PTK2B: variants seen among roughly 807,000 people sequenced by gnomAD.
PTK2B encodes protein tyrosine kinase 2 beta.
A neutral mutation model predicts 142.9 loss-of-function variants in PTK2B; 71 were observed. The observed-to-expected ratio is 0.50, with a 90% CI of 0.41 to 0.61. The LOEUF (loss-of-function observed/expected upper bound fraction) is 0.61. Ranked by LOEUF, PTK2B falls within the 20% of genes least tolerant of loss-of-function variation. PTK2B has a pLI of 0.00. For missense variants in PTK2B, 1,105 were observed against 1,320.4 expected, an observed-to-expected ratio of 0.84 and a Z score of 2.53; for synonymous variants, 519 against 503.4, an observed-to-expected ratio of 1.03 and a Z score of -0.42.
At chr8:27,323,055 C>T (rs1031930021), upstream of PTK2B, among the ~76,000 whole-genome samples, 9 of 152,270 alleles carry the variant, frequency 5.9e-5, no homozygotes, top group African/African-American at 2.2e-4. Flanking sequence ...AAAAGTTAAT[C>T]ACCAGCTCAA....
chr8:27,440,472 G>A, intron 21 of PTK2B, 31 bp downstream of exon 21: 1 of 1,603,476 alleles, frequency 6.2e-7, no homozygotes, highest in Non-Finnish European at 8.5e-7. Context: ...GTGGGCTGGG[G>A]GCCCACCCGG....
At chr8:27,312,141 T>A (rs569204152) in intron 1 of PTK2B, among the ~76,000 whole-genome samples, 1 of 152,336 alleles carries the variant, frequency 6.6e-6, no homozygotes, top group South Asian at 2.1e-4. Flanking sequence ...AGATCTTCAT[T>A]CCTGCTTCAG....
At chr8:27,453,488 T>G (rs1022419368) in intron 28 of PTK2B, among the ~76,000 whole-genome samples, 7 of 152,202 alleles carry the variant, frequency 4.6e-5, no homozygotes, top group Admixed American at 4.6e-4. Context: ...CAGCATCCAT[T>G]GTCCTTACAG....
At chr8:27,393,742 G>A (rs1807863918) in intron 1 of PTK2B, among the ~76,000 whole-genome samples, 1 of 152,032 alleles carries the variant, frequency 6.6e-6, no homozygotes. Context: ...GTTCCCACAT[G>A]CACCCTGCCC....
intron 1 of PTK2B, among the ~76,000 whole-genome samples, chr8:27,390,073 G>A (rs1001351319): frequency 2.6e-5 from 4 of 152,238 alleles, no homozygotes; most frequent in African/African-American, 9.6e-5. Context: ...GTGACATTGT[G>A]ACTTCTGCTA....
intron 2 of PTK2B, among the ~76,000 whole-genome samples, chr8:27,400,897 A>C (rs1195784689): frequency 6.6e-6 from 1 of 152,184 alleles, no homozygotes; most frequent in Non-Finnish European, 1.5e-5. Flanking sequence ...CCCACAAGGA[A>C]TGAGTAGAAC....
chr8:27,451,604 T>A, intron 27 of PTK2B, 95 bp downstream of exon 27: 1 of 1,598,042 alleles, frequency 6.3e-7, no homozygotes, highest in Non-Finnish European at 8.5e-7. Flanking sequence ...AGCAGCGGAG[T>A]CTGTCTGCAT....
chr8:27,435,849 G>A, intron 14 of PTK2B, 56 bp downstream of exon 14: 4 of 1,565,038 alleles, frequency 2.6e-6, no homozygotes, highest in Middle Eastern at 1.7e-4. Context: ...AAATGACATG[G>A]CAAGGACTCT....
chr8:27,454,667 G>T, intron 30 of PTK2B, 56 bp downstream of exon 30: 1 of 1,571,870 alleles, frequency 6.4e-7, no homozygotes, highest in Non-Finnish European at 8.7e-7. Flanking sequence ...CTGCTTATGA[G>T]CCTCATTAGA....
intron 22 of PTK2B, among the ~76,000 whole-genome samples, chr8:27,443,981 A>G (rs558072125): frequency 6.6e-6 from 1 of 152,340 alleles, no homozygotes; most frequent in East Asian, 1.9e-4. Context: ...CCAATTAGCC[A>G]TAGCCCCGGG....
chr8:27,378,988 C>A (rs80252601), intron 1 of PTK2B, among the ~76,000 whole-genome samples: 1,895 of 152,270 alleles, frequency 0.012, 15 homozygotes, highest in Non-Finnish European at 0.019. Flanking sequence ...AGACTCACAT[C>A]CGACACGGGG....
rs748590062 is a variant in PTK2B, at chr8:27,458,511, G to A, written c.*2G>A. 54 of 1,560,080 alleles carry A rather than the reference G, an allele frequency of 3.5e-5. No individual in the cohort carries two copies. Among genetic ancestry groups the A allele is most frequent in the Middle Eastern group, 2.1e-4 (1 of 4,794 alleles). ...CTGGCCCACCCACCTGCAGAGTGAC[G>A]GAGGGTGGGGGCCACCTGCCTGCGT... On this transcript the variant is annotated 3_prime_UTR_variant, in exon 31 of 31. Coordinates refer to ENST00000346049, the MANE Select transcript of PTK2B (RefSeq NM_173176.3).
intron 21 of PTK2B, among the ~76,000 whole-genome samples, chr8:27,442,088 C>T (rs556058734): frequency 4.6e-5 from 7 of 152,140 alleles, no homozygotes; most frequent in Non-Finnish European, 8.8e-5. Flanking sequence ...GTTTCCTAAC[C>T]GTTCCAGGGA....
chr8:27,352,617 C>A (rs576500191), intron 1 of PTK2B, among the ~76,000 whole-genome samples: 11 of 152,190 alleles, frequency 7.2e-5, no homozygotes, highest in Non-Finnish European at 1.2e-4. Context: ...CTTGAATTCT[C>A]ATGTGTTGTG....
intron 23 of PTK2B, among the ~76,000 whole-genome samples, chr8:27,445,575 A>G (rs1488788447): frequency 6.6e-6 from 1 of 152,130 alleles, no homozygotes; most frequent in East Asian, 1.9e-4. Flanking sequence ...TGTGCAGAGC[A>G]TCTTGGGGGA....
At chr8:27,371,811 G>A (rs759421357) in intron 1 of PTK2B, among the ~76,000 whole-genome samples, 8 of 152,208 alleles carry the variant, frequency 5.3e-5, no homozygotes, top group Non-Finnish European at 1.2e-4. Context: ...GCCCTTCAAA[G>A]TGCTGAGATT....
At chr8:27,320,797 G>A (rs765169265), upstream of PTK2B, among the ~76,000 whole-genome samples, 1 of 151,834 alleles carries the variant, frequency 6.6e-6, no homozygotes, top group Non-Finnish European at 1.5e-5. Context: ...ACTGATTACA[G>A]TATTGGCCAT....
intron 3 of PTK2B, 26 bp from the exon 4 acceptor site, chr8:27,420,631 A>G: frequency 6.2e-7 from 1 of 1,603,158 alleles, no homozygotes; most frequent in East Asian, 2.2e-5. Context: ...CTCTGTGTCA[A>G]CCAGAGCCTG....
Position 27,442,931 on chromosome 8 carries a change from A to G in PTK2B, c.2096A>G (p.Tyr699Cys). 1.2e-6 allele frequency: 2 copies of G among 1,614,172 alleles called. No homozygotes were observed. The highest frequency in any genetic ancestry group is 1.7e-6 in the Non-Finnish European group (2 of 1,180,008). The stretch of plus-strand genomic sequence containing the variant: ...ATGGAGCAAGAGAGGAATGCTCGCT[A>G]CCGAACCCCCAAAATCTTGGAGCCC... ...IAMEQERNAR[Y>C]RTPKILEPTA... is the part of the protein sequence containing the mutation. Residue 699 changes from tyrosine to cysteine, a missense_variant, in exon 22 of 31, where the codon TAC becomes TGC. Tyr to Cys is a radical substitution (Grantham distance 194, BLOSUM62 -2). Transcript: ENST00000346049.
Sources: allele counts gnomAD v4.1 joint callset (sites outside exome capture counted in the v4.1 genomes callset), GRCh38; gene constraint gnomAD v4.1.1; transcripts MANE v1.5; gene names NCBI Gene and HGNC (gene_info 2026-07-23, HGNC 2026-07-21).